COQ8B: variants seen among roughly 807,000 people sequenced by gnomAD.
COQ8B encodes the protein atypical kinase COQ8B, mitochondrial.
COQ8B carries 44 observed loss-of-function variants against 62.0 expected under a neutral mutation model. That is an observed-to-expected ratio of 0.71 (90% CI 0.56 to 0.91). The LOEUF (loss-of-function observed/expected upper bound fraction) is 0.91, where lower values mean the gene tolerates loss of function less well. Ranked by LOEUF, COQ8B falls within the 40% of genes least tolerant of loss-of-function variation. COQ8B has a pLI of 0.00. For missense variants in COQ8B, 649 were observed against 731.6 expected (o/e 0.89, Z 1.30); for synonymous variants, 252 against 289.9 (o/e 0.87, Z 1.33).
intron 5 of COQ8B, among the ~76,000 whole-genome samples, chr19:40,708,773 C>A (rs1453363415): frequency 6.7e-6 from 1 of 150,354 alleles, no homozygotes; most frequent in African/African-American, 2.5e-5. Context: ...ACAAAAAATA[C>A]AAAAAATTAG....
At chr19:40,701,715 G>A (rs1048963835) in intron 10 of COQ8B, among the ~76,000 whole-genome samples, 21 of 152,306 alleles carry the variant, frequency 1.4e-4, no homozygotes, top group African/African-American at 4.3e-4. Flanking sequence ...TGCAGGCCAC[G>A]TAACCTGTTA....
At chr19:40,709,732 C>G (rs1053098916) in intron 5 of COQ8B, among the ~76,000 whole-genome samples, 1 of 152,058 alleles carries the variant, frequency 6.6e-6, no homozygotes, top group Non-Finnish European at 1.5e-5. Flanking sequence ...ATCCCAGCTA[C>G]TTGGGAGGCT....
At chr19:40,710,204 T>C in intron 4 of COQ8B, 68 bp from the exon 5 acceptor site, 1 of 1,354,036 alleles carries the variant, frequency 7.4e-7, no homozygotes, top group Non-Finnish European at 1.0e-6. Context: ...CCACTCTCCT[T>C]TCTCAGTTTT....
intron 10 of COQ8B, 64 bp from the exon 11 acceptor site, chr19:40,700,515 C>G: frequency 6.4e-7 from 1 of 1,564,332 alleles, no homozygotes; most frequent in South Asian, 1.2e-5. Flanking sequence ...AGCTTGAGAC[C>G]TCCTCCTTGT....
chr19:40,709,217 G>A (rs2082122608), intron 5 of COQ8B, among the ~76,000 whole-genome samples: 1 of 152,180 alleles, frequency 6.6e-6, no homozygotes, highest in Non-Finnish European at 1.5e-5. Flanking sequence ...CTGCCATGCA[G>A]TCCATATTCA....
intron 1 of COQ8B, chr19:40,715,699 C>G: frequency 1.2e-6 from 1 of 825,858 alleles, no homozygotes; most frequent in Middle Eastern, 6.2e-4. Context: ...TCTCCGCTCC[C>G]CGCCCACCTG....
rs768899340 is a variant in COQ8B at position 40,710,053 on chromosome 19, A to G, written c.367+6T>C. ...GATCTGAACCCAGGCAGTGTGGCTC[A>G]CTCACCTGACTGCAGACGACCTCCT... On this transcript the variant is annotated splice_donor_region_variant and intron_variant, in intron 5 of 14. Coordinates refer to ENST00000324464, the MANE Select transcript of COQ8B (RefSeq NM_024876.4). 6.8e-6 allele frequency: 11 copies of G among 1,613,320 alleles called. No homozygotes were observed. The highest frequency in any genetic ancestry group is 8.5e-6 in the Non-Finnish European group (10 of 1,179,646).
In COQ8B at chr19:40,692,359, G is replaced by T; in HGVS notation, c.1311C>A (p.Ala437=). 6.2e-7 allele frequency: 1 copy of T among 1,613,370 alleles called. No individual in the cohort carries two copies. The highest frequency in any genetic ancestry group is 2.2e-5 in the East Asian group (1 of 44,862). ...CCAGGATCATCACTGCCTCCACGTG[G>T]GCGTCGGAGAATGCCTGGGAGTGGG... ...TGFETKAFSD[A]HVEAVMILGE... Residue 437 remains alanine (A), a synonymous_variant, in exon 15 of 15, where the codon GCC becomes GCA. Coordinates refer to ENST00000324464, the MANE Select transcript of COQ8B (RefSeq NM_024876.4).
At chr19:40,710,888 T>C (rs1214572671) in intron 4 of COQ8B, among the ~76,000 whole-genome samples, 1 of 152,042 alleles carries the variant, frequency 6.6e-6, no homozygotes, top group African/African-American at 2.4e-5. Flanking sequence ...TCCCAGCACT[T>C]TGGGAGGCCG....
chr19:40,704,788 C>T (rs2082087601), intron 7 of COQ8B: 2 of 278,786 alleles, frequency 7.2e-6, no homozygotes, highest in South Asian at 7.4e-5. Flanking sequence ...GCATGTTGCT[C>T]ACAGTGAATC....
intron 5 of COQ8B, 68 bp from the exon 6 acceptor site, chr19:40,705,515 A>T: frequency 6.8e-7 from 1 of 1,473,010 alleles, no homozygotes; most frequent in South Asian, 1.5e-5. Context: ...CCGGCGGCCC[A>T]CGCCTGTAAT....
At chr19:40,692,450 G>A in intron 14 of COQ8B, 77 bp from the exon 15 acceptor site, 1 of 1,300,520 alleles carries the variant, frequency 7.7e-7, no homozygotes, top group African/African-American at 1.5e-5. Flanking sequence ...GAAACAACGT[G>A]TAGCCTCCAC....
At chr19:40,704,243 G>A (rs766830047) in intron 7 of COQ8B, 10 of 165,778 alleles carry the variant, frequency 6.0e-5, no homozygotes, top group South Asian at 2.9e-4. Flanking sequence ...TCAACCTCCC[G>A]AGCTCAAGCC....
chr19:40,707,038 G>A (rs907341514), intron 5 of COQ8B, among the ~76,000 whole-genome samples: 11 of 152,074 alleles, frequency 7.2e-5, no homozygotes, highest in Admixed American at 4.6e-4. Context: ...TTGGGACGTC[G>A]GGGCGGGATC....
chr19:40,696,432 C>T (rs977321417), intron 12 of COQ8B, among the ~76,000 whole-genome samples: 15 of 152,066 alleles, frequency 9.9e-5, no homozygotes, highest in Non-Finnish European at 1.9e-4. Flanking sequence ...TTTGGGAGGC[C>T]AAGGTGGGTG....
At chr19:40,710,276 G>GT in intron 4 of COQ8B, 140 bp from the exon 5 acceptor site, 7 of 755,794 alleles carry the variant, frequency 9.3e-6, no homozygotes, top group Non-Finnish European at 1.3e-5. Flanking sequence ...ATGGAGTCTC[G>GT]CTCTGTTGCC....
intron 10 of COQ8B, chr19:40,700,684 G>T: frequency 1.9e-6 from 1 of 525,806 alleles, no homozygotes; most frequent in Non-Finnish European, 3.4e-6. Flanking sequence ...ACTGGGTGCT[G>T]CTGGAAACCC....
In COQ8B at chr19:40,714,515, C is replaced by G. The variant is rs758625921; in HGVS notation, c.102+16G>C. On this transcript the variant is annotated intron_variant, in intron 2 of 14. Coordinates refer to ENST00000324464, the MANE Select transcript of COQ8B (RefSeq NM_024876.4). Reference sequence around the variant, plus strand: ...TCAGCCTCTTCCCCTTGGGGACCTGCTCCCTAGCCTCTTACCCAGCGGTGG... The same window carrying G: ...TCAGCCTCTTCCCCTTGGGGACCTGGTCCCTAGCCTCTTACCCAGCGGTGG... The G allele has an allele frequency of 6.2e-7, 1 of 1,613,652 alleles. No homozygotes were observed. The highest frequency in any genetic ancestry group is 1.1e-5 in the South Asian group (1 of 91,042).
intron 13 of COQ8B, among the ~76,000 whole-genome samples, chr19:40,694,177 C>T: frequency 6.6e-6 from 1 of 152,146 alleles, no homozygotes; most frequent in East Asian, 1.9e-4. Flanking sequence ...GTGGCCCCAC[C>T]AGTCCCCAGA....
Sources: gnomAD v4.1 joint callset for allele counts (sites outside exome capture counted in the v4.1 genomes callset) on GRCh38, gnomAD v4.1.1 for gene constraint, MANE v1.5 for transcripts, NCBI Gene and HGNC (gene_info 2026-07-23, HGNC 2026-07-21) for gene names.